THADA: variants seen among roughly 807,000 people sequenced by gnomAD.
THADA encodes tRNA (32-2'-O)-methyltransferase regulator THADA.
Under a neutral mutation model 219.8 loss-of-function variants are expected in THADA, and 213 were observed. That is an observed-to-expected ratio of 0.97 (90% CI 0.87 to 1.09). THADA has a LOEUF of 1.09. Among genes scored for constraint, THADA ranks in the 50% least tolerant of loss-of-function variants. THADA has a pLI of 0.00. For synonymous variants in THADA, 1,018 were observed against 828.9 expected, an observed-to-expected ratio of 1.23 and a Z score of -3.92; for missense variants, 2,956 against 2,311.3, an observed-to-expected ratio of 1.28 and a Z score of -5.72.
intron 29 of THADA, among the ~76,000 whole-genome samples, chr2:43,393,449 G>A (rs984576028): frequency 1.3e-5 from 2 of 152,150 alleles, no homozygotes; most frequent in Admixed American, 6.5e-5. Context: ...GCTCACGCCC[G>A]TAATCCCAAC....
In THADA at chr2:43,375,831, G is replaced by A. The variant is rs138097413; in HGVS notation, c.4227+22140C>T. Among the ~76,000 whole-genome samples the A allele has an allele frequency of 4.4e-3, 666 of 152,236 alleles. 3 individuals carry two copies. The highest frequency in any genetic ancestry group is 0.015 in the African/African-American group (622 of 41,534). ...CTGCTGACAGTGTTAAGACAGCAAA[G>A]GAAAATCAGCCCAGGGCCTGCACTA... On this transcript the variant is annotated intron_variant, in intron 29 of 37. Transcript: ENST00000405975.
At chr2:43,339,510 C>T (rs1313574562) in intron 30 of THADA, among the ~76,000 whole-genome samples, 2 of 152,288 alleles carry the variant, frequency 1.3e-5, no homozygotes, top group Middle Eastern at 3.4e-3. Context: ...AAACTCCTGG[C>T]CTTATGTGAT....
chr2:43,500,622 G>A (rs1688833075), intron 24 of THADA, among the ~76,000 whole-genome samples: 1 of 152,104 alleles, frequency 6.6e-6, no homozygotes, highest in Non-Finnish European at 1.5e-5. Context: ...TCCTTAATAA[G>A]ATACTGGGTA....
At position 43,556,513 on chromosome 2, in the gene THADA, G is replaced by T. The variant is rs374408400; in HGVS notation, c.2506C>A (p.Leu836Ile). The change falls in exon 17 of 38, where the codon CTC (leucine) becomes ATC (isoleucine). Residue 836 changes from leucine (L) to isoleucine (I), a missense_variant. Physicochemically the swap from Leu to Ile is conservative, Grantham distance 5. Coordinates refer to ENST00000405975, the MANE Select transcript of THADA (RefSeq NM_022065.5). ...TCGTATGGTTTGGTGCTTGTGCTGA[G>T]CTCCAATGCTGCCTGAAATAAGCCT... ...LQGLFQAALE[L>I]STSTKPYDCV... The T allele has an allele frequency of 6.2e-7, 1 of 1,613,842 alleles. No individual in the cohort carries two copies. The highest frequency in any genetic ancestry group is 1.7e-5 in the Admixed American group (1 of 59,990).
At chr2:43,565,075 T>C (rs1698504572) in intron 15 of THADA, 1 of 152,182 alleles carries the variant, frequency 6.6e-6, no homozygotes, top group Admixed American at 6.5e-5. Context: ...TTTCCTGAAT[T>C]TGATCATTGT....
At chr2:43,546,819 T>G (rs1696090803) in intron 20 of THADA, among the ~76,000 whole-genome samples, 1 of 152,246 alleles carries the variant, frequency 6.6e-6, no homozygotes, top group African/African-American at 2.4e-5. Context: ...CTTGACTCTT[T>G]TATCCAATTT....
chr2:43,384,903 G>A (rs1252098720), intron 29 of THADA, among the ~76,000 whole-genome samples: 1 of 152,202 alleles, frequency 6.6e-6, no homozygotes, highest in African/African-American at 2.4e-5. Flanking sequence ...ACTTTGGGAG[G>A]CCGAAGACAT....
intron 31 of THADA, among the ~76,000 whole-genome samples, chr2:43,303,468 C>A (rs1057382083): frequency 5.3e-5 from 8 of 152,042 alleles, no homozygotes; most frequent in African/African-American, 1.9e-4. Flanking sequence ...TTATTTAGGG[C>A]AGTCTCTCTC....
chr2:43,447,254 G>T (rs1681695975), intron 26 of THADA, among the ~76,000 whole-genome samples: 1 of 152,100 alleles, frequency 6.6e-6, no homozygotes, highest in African/African-American at 2.4e-5. Flanking sequence ...TACAATTCAA[G>T]ATGAGATTTG....
chr2:43,582,802 C>T (rs1330755536), intron 7 of THADA, among the ~76,000 whole-genome samples: 1 of 151,974 alleles, frequency 6.6e-6, no homozygotes, highest in Non-Finnish European at 1.5e-5. Flanking sequence ...CTCCTGACCT[C>T]AAGTGATCCA....
rs1558888562 is a variant in THADA, at chr2:43,514,720, A to AATATT, written c.3375-5941_3375-5940insAATAT. On this transcript the variant is annotated intron_variant, in intron 22 of 37. Transcript: ENST00000405975. ...ATATATAATATATATATAAATATATATTATATATAATATGTATAATATATA... is the reference window on the plus strand; with the variant it reads ...ATATATAATATATATATAAATATATAATATTTTATATATAATATGTATAATATATA... 1.3e-3 allele frequency among the ~76,000 whole-genome samples: 95 copies of AATATT among 75,184 alleles called. 18 individuals are homozygous for AATATT. Among genetic ancestry groups the AATATT allele is most frequent in the African/African-American group, 1.9e-3 (30 of 15,578 alleles). The allele number at this position is 75,184 out of a possible 152,430, so 49.3% of individuals were successfully genotyped here.
intron 30 of THADA, among the ~76,000 whole-genome samples, chr2:43,333,545 GA>G (rs1205054541): frequency 4.0e-5 from 6 of 150,276 alleles, no homozygotes; most frequent in Non-Finnish European, 3.0e-5. Flanking sequence ...AGGAAAGAAA[GA>G]AAGAAGAAAA....
At chr2:43,558,038 G>A (rs1339444767) in intron 16 of THADA, among the ~76,000 whole-genome samples, 1 of 152,194 alleles carries the variant, frequency 6.6e-6, no homozygotes, top group Admixed American at 6.5e-5. Context: ...TTAACTGACA[G>A]TTAAGTCCCA....
At chr2:43,539,656 T>C (rs1361012186) in intron 21 of THADA, among the ~76,000 whole-genome samples, 1 of 152,190 alleles carries the variant, frequency 6.6e-6, no homozygotes, top group East Asian at 1.9e-4. Flanking sequence ...GAGGTTACCA[T>C]GTGAATGGCA....
Position 43,536,661 on chromosome 2 carries a change from A to G in THADA, c.3264+4498T>C, listed in dbSNP as rs17031014. On this transcript the variant is annotated intron_variant, in intron 21 of 37. Transcript: ENST00000405975. ...CCATGTTTCCAGGCAGGTATAATTC[A>G]CCAACAGACTAATTAGGGGATCTAA... Among the ~76,000 whole-genome samples, 1,340 of 152,242 alleles carry G rather than the reference A, an allele frequency of 8.8e-3. 23 individuals carry two copies. Among genetic ancestry groups the G allele is most frequent in the African/African-American group, 0.031 (1,286 of 41,520 alleles).
intron 17 of THADA, among the ~76,000 whole-genome samples, chr2:43,552,631 T>C (rs1386237841): frequency 1.3e-5 from 2 of 152,090 alleles, no homozygotes; most frequent in Admixed American, 6.6e-5. Context: ...CATGTGCTAA[T>C]TGGACAGCAG....
rs146340247 is a variant in THADA at position 43,534,963 on chromosome 2, T to C, written c.3264+6196A>G. Among the ~76,000 whole-genome samples the C allele has an allele frequency of 5.2e-3, 787 of 152,168 alleles. 5 individuals are homozygous for C. The highest frequency in any genetic ancestry group is 0.016 in the African/African-American group (661 of 41,522). The stretch of plus-strand genomic sequence containing the variant: ...CTATACTAGTTTACACTCCCACCAA[T>C]AGGGTGTAAGAGTTCCCTTTTCTCC... On this transcript the variant is annotated intron_variant, in intron 21 of 37. Coordinates refer to ENST00000405975, the MANE Select transcript of THADA (RefSeq NM_022065.5).
At position 43,588,954 on chromosome 2, in the gene THADA, T is replaced by A. The variant is rs182688894; in HGVS notation, c.302+1870A>T. 2.1e-3 allele frequency among the ~76,000 whole-genome samples: 326 copies of A among 152,312 alleles called. 1 individual carries two copies. Among genetic ancestry groups the A allele is most frequent in the African/African-American group, 7.4e-3 (307 of 41,568 alleles). ...ACCATATATAGATACATACATGTCA[T>A]ATATATGGTACATTTAAATTTTGGT... is the stretch of plus-strand genomic sequence containing the variant. On this transcript the variant is annotated intron_variant, in intron 4 of 37. Transcript: ENST00000405975.
At chr2:43,314,516 T>A (rs911079850) in intron 31 of THADA, among the ~76,000 whole-genome samples, 2 of 152,180 alleles carry the variant, frequency 1.3e-5, no homozygotes, top group Non-Finnish European at 2.9e-5. Flanking sequence ...AGTCCATCTG[T>A]CAAAGGGGTA....
Sources: gnomAD v4.1 joint callset for allele counts (sites outside exome capture counted in the v4.1 genomes callset) on GRCh38, gnomAD v4.1.1 for gene constraint, MANE v1.5 for transcripts, NCBI Gene and HGNC (gene_info 2026-07-23, HGNC 2026-07-21) for gene names.